The following METAP1D variants were observed in gnomAD, a reference collection of about 807,000 sequenced individuals.
The protein encoded by METAP1D is methionine aminopeptidase 1D, mitochondrial.
In METAP1D, 31 loss-of-function variants were observed where a neutral mutation model predicts 40.5. The ratio of observed to expected loss-of-function variants is 0.77; its 90% CI spans 0.58 to 1.03. The LOEUF (loss-of-function observed/expected upper bound fraction) is 1.03, where lower values mean the gene tolerates loss of function less well. METAP1D is among the 50% of genes least tolerant of loss of function. The probability of loss-of-function intolerance (pLI) is 0.00; values close to 1 mark genes in which losing one functional copy is unlikely to be tolerated. For missense variants in METAP1D, 411 were observed against 420.7 expected (o/e 0.98, Z 0.20); for synonymous variants, 151 against 146.4 (o/e 1.03, Z -0.22).
At chr2:172,006,010 T>G (rs1688571687) in intron 1 of METAP1D, among the ~76,000 whole-genome samples, 1 of 152,164 alleles carries the variant, frequency 6.6e-6, no homozygotes, top group Non-Finnish European at 1.5e-5. Context: ...TTTGTTGGTA[T>G]GGAATGATGT....
At chr2:172,051,423 T>C (rs1689881801) in intron 1 of METAP1D, among the ~76,000 whole-genome samples, 1 of 152,220 alleles carries the variant, frequency 6.6e-6, no homozygotes, top group East Asian at 1.9e-4. Flanking sequence ...TGTACATTAG[T>C]GAATAATCAC....
At chr2:172,064,160 T>C (rs1690197707) in intron 3 of METAP1D, 1 of 225,982 alleles carries the variant, frequency 4.4e-6, no homozygotes. Flanking sequence ...CAGACAGCTT[T>C]GATTTTTGCC....
intron 1 of METAP1D, among the ~76,000 whole-genome samples, chr2:172,039,667 C>CTTTTTTTTT (rs1553270203): frequency 8.8e-6 from 1 of 113,134 alleles, no homozygotes. Flanking sequence ...ACCTTTAAAA[C>CTTTTTTTTT]TTTTTTTTGT....
In METAP1D at chr2:172,081,407, C is replaced by G. The variant is rs1169697490; in HGVS notation, c.*1001C>G. The G allele has an allele frequency of 2.6e-5, 4 of 152,246 alleles. No homozygotes were observed. The highest frequency in any genetic ancestry group is 5.9e-5 in the Non-Finnish European group (4 of 68,062). 9.4% of individuals were successfully genotyped at this position (152,246 alleles called of 1,614,324 possible). ...GTCCCAGAGAGAGGAGATACGGGCG[C>G]ATTTGAGAGCAAGGGCCTACTTGGC... On this transcript the variant is annotated 3_prime_UTR_variant, in exon 10 of 10. Transcript: ENST00000315796.
chr2:172,008,661 T>C (rs2105375261), intron 1 of METAP1D, among the ~76,000 whole-genome samples: 1 of 152,082 alleles, frequency 6.6e-6, no homozygotes, highest in Non-Finnish European at 1.5e-5. Flanking sequence ...TTTAACAATA[T>C]ACTGTAATAA....
At chr2:172,006,150 C>A (rs1688575138) in intron 1 of METAP1D, among the ~76,000 whole-genome samples, 1 of 151,330 alleles carries the variant, frequency 6.6e-6, no homozygotes, top group East Asian at 1.9e-4. Context: ...TGTATACACA[C>A]AGAGTATGAC....
Position 172,080,595 on chromosome 2 carries a change from G to A in METAP1D, c.*189G>A, listed in dbSNP as rs185363440. ...GAACTCGGATCTGAAGCCCTGCTGGGGTCGCGCGGCTTTGGAAAAACAAAT... is the reference window on the plus strand; with the variant it reads ...GAACTCGGATCTGAAGCCCTGCTGGAGTCGCGCGGCTTTGGAAAAACAAAT... On this transcript the variant is annotated 3_prime_UTR_variant, in exon 10 of 10. Coordinates refer to ENST00000315796, the MANE Select transcript of METAP1D (RefSeq NM_199227.3). The A allele has an allele frequency of 7.8e-6, 5 of 641,596 alleles. No individual in the cohort carries two copies. Among genetic ancestry groups the A allele is most frequent in the African/African-American group, 1.8e-5 (1 of 54,742 alleles). The allele number at this position is 641,596 out of a possible 1,614,324, so 39.7% of individuals were successfully genotyped here. A position where few individuals can be genotyped will look rare whatever the true frequency, so the allele number is the denominator to read the frequency against.
At chr2:172,004,312 C>T (rs964119286) in intron 1 of METAP1D, among the ~76,000 whole-genome samples, 2 of 151,786 alleles carry the variant, frequency 1.3e-5, no homozygotes, top group Non-Finnish European at 2.9e-5. Context: ...TCAGTTTTGC[C>T]AAACCAACTT....
At chr2:172,026,704 C>G (rs1298189615) in intron 1 of METAP1D, among the ~76,000 whole-genome samples, 1 of 151,932 alleles carries the variant, frequency 6.6e-6, no homozygotes, top group Admixed American at 6.6e-5. Flanking sequence ...CCTAGTGTCC[C>G]CCAAATTTGT....
chr2:172,031,799 T>G (rs1445350633), intron 1 of METAP1D, among the ~76,000 whole-genome samples: 3 of 152,202 alleles, frequency 2.0e-5, no homozygotes, highest in Non-Finnish European at 4.4e-5. Flanking sequence ...AGAGGAGTGT[T>G]GTGGAATTCG....
intron 4 of METAP1D, among the ~76,000 whole-genome samples, chr2:172,065,970 T>G (rs1393342578): frequency 6.6e-6 from 1 of 152,190 alleles, no homozygotes; most frequent in African/African-American, 2.4e-5. Flanking sequence ...TAAATGGGGG[T>G]TGTGCATTAC....
intron 1 of METAP1D, among the ~76,000 whole-genome samples, chr2:172,035,623 T>C (rs1012543283): frequency 2.6e-5 from 4 of 152,030 alleles, no homozygotes; most frequent in African/African-American, 9.7e-5. Flanking sequence ...TTACCACTTG[T>C]GTATAGATTC....
chr2:172,045,597 GTTGCGGTGAGCCGA>G (rs1689720233), intron 1 of METAP1D, among the ~76,000 whole-genome samples: 1 of 148,442 alleles, frequency 6.7e-6, no homozygotes, highest in Admixed American at 6.7e-5. Flanking sequence ...GGAGGTGGAG[GTTGCGGTGAGCCGA>G]GATTGTGCCA....
intron 1 of METAP1D, among the ~76,000 whole-genome samples, chr2:172,028,449 G>C (rs1291925318): frequency 6.6e-6 from 1 of 152,120 alleles, no homozygotes; most frequent in African/African-American, 2.4e-5. Context: ...AAAAGCAGTG[G>C]ATAAACATTG....
chr2:172,047,473 G>T (rs1427060467), intron 1 of METAP1D, among the ~76,000 whole-genome samples: 1 of 151,110 alleles, frequency 6.6e-6, no homozygotes, highest in Non-Finnish European at 1.5e-5. Flanking sequence ...TCACTTTGTT[G>T]CCCAGGCTGG....
At chr2:172,022,488 G>C (rs1231056721) in intron 1 of METAP1D, among the ~76,000 whole-genome samples, 1 of 152,122 alleles carries the variant, frequency 6.6e-6, no homozygotes, top group African/African-American at 2.4e-5. Context: ...AATGACAGCA[G>C]TTATTAAACA....
At chr2:172,007,890 A>G (rs756613507) in intron 1 of METAP1D, among the ~76,000 whole-genome samples, 2 of 152,122 alleles carry the variant, frequency 1.3e-5, no homozygotes, top group South Asian at 2.1e-4. Flanking sequence ...GGGTTTCACC[A>G]TGTTGGCCAG....
chr2:172,042,814 C>CGT (rs745633029), intron 1 of METAP1D, among the ~76,000 whole-genome samples: 2,452 of 30,520 alleles, frequency 0.08, 706 homozygotes, highest in Non-Finnish European at 0.16. Context: ...TACACATATA[C>CGT]GTGTGTGTGT....
At chr2:172,032,960 G>A (rs1445945957) in intron 1 of METAP1D, among the ~76,000 whole-genome samples, 6 of 152,154 alleles carry the variant, frequency 3.9e-5, no homozygotes, top group Non-Finnish European at 8.8e-5. Context: ...TCGGGAGGCT[G>A]AGGCAGGAGA....
Sources: allele counts gnomAD v4.1 joint callset (sites outside exome capture counted in the v4.1 genomes callset), GRCh38; gene constraint gnomAD v4.1.1; transcripts MANE v1.5; gene names NCBI Gene and HGNC (gene_info 2026-07-23, HGNC 2026-07-21).